Variants in SCARA3 observed in about 807,000 individuals in gnomAD.
SCARA3 encodes the protein cellular stress response gene protein.
SCARA3 carries 39 observed loss-of-function variants against 47.0 expected under a neutral mutation model. The observed-to-expected ratio is 0.83, with a 90% CI of 0.64 to 1.08. The LOEUF (loss-of-function observed/expected upper bound fraction) is 1.08, where lower values mean the gene tolerates loss of function less well. Ranked by LOEUF, SCARA3 falls within the 50% of genes least tolerant of loss-of-function variation. The probability of loss-of-function intolerance (pLI) is 0.00; values close to 1 mark genes in which losing one functional copy is unlikely to be tolerated. For synonymous variants in SCARA3, 356 were observed against 334.1 expected, an observed-to-expected ratio of 1.07 and a Z score of -0.71; for missense variants, 724 against 792.3, an observed-to-expected ratio of 0.91 and a Z score of 1.04.
At chr8:27,691,099 C>G in the SCARA3 span, among the ~76,000 whole-genome samples, 10 of 152,208 alleles carry the variant, frequency 6.6e-5, no homozygotes, top group African/African-American at 1.4e-4. Flanking sequence ...GGGAGAGCAA[C>G]TTTTCCCTGT....
intron 1 of SCARA3, among the ~76,000 whole-genome samples, chr8:27,647,793 T>A (rs779958): frequency 0.18 from 27,939 of 152,128 alleles, 3,134 homozygotes; most frequent in Middle Eastern, 0.33. Flanking sequence ...ACTCGTGGTC[T>A]TGATGGTGGC....
chr8:27,654,434 A>G (rs1801698550), intron 3 of SCARA3, among the ~76,000 whole-genome samples: 1 of 152,208 alleles, frequency 6.6e-6, no homozygotes, highest in Non-Finnish European at 1.5e-5. Flanking sequence ...AAAAGCAAAT[A>G]TATAATTATT....
chr8:27,691,099 C>T, the SCARA3 span, among the ~76,000 whole-genome samples: 1 of 152,208 alleles, frequency 6.6e-6, no homozygotes. Context: ...GGGAGAGCAA[C>T]TTTTCCCTGT....
the SCARA3 span, among the ~76,000 whole-genome samples, chr8:27,690,162 A>T: frequency 1.3e-5 from 2 of 152,200 alleles, no homozygotes; most frequent in East Asian, 1.9e-4. Context: ...ACTCACCTCC[A>T]TGCCTCACCG....
chr8:27,659,111 T>A lies in SCARA3; in HGVS notation c.941T>A (p.Ile314Asn). The A allele has an allele frequency of 6.2e-7, 1 of 1,613,900 alleles. No homozygotes were observed. Among genetic ancestry groups the A allele is most frequent in the Non-Finnish European group, 8.5e-7 (1 of 1,180,004 alleles). ...VMGLQLQLDN[I>N]SSFLDDHEEN... ...GGCTTGCAGCTGCAGCTGGATAACATCTCGTCCTTCCTGGATGACCACGAA... is the reference window on the plus strand; with the variant it reads ...GGCTTGCAGCTGCAGCTGGATAACAACTCGTCCTTCCTGGATGACCACGAA... Residue 314 changes from isoleucine (I) to asparagine (N), a missense_variant, in exon 5 of 6, where the codon ATC (isoleucine) becomes AAC (asparagine). By Grantham distance (149) the Ile-to-Asn change is moderately radical (BLOSUM62 -3). Coordinates refer to ENST00000301904, the MANE Select transcript of SCARA3 (RefSeq NM_016240.3).
Position 27,659,101 on chromosome 8 carries a change from C to G in SCARA3, c.931C>G (p.Leu311Val). 6.2e-7 allele frequency: 1 copy of G among 1,614,162 alleles called. No individual in the cohort carries two copies. The highest frequency in any genetic ancestry group is 8.5e-7 in the Non-Finnish European group (1 of 1,180,034). The change falls in exon 5 of 6, where the codon CTG (leucine) becomes GTG (valine). Residue 311 changes from leucine (L) to valine (V), a missense_variant. Coordinates refer to ENST00000301904, the MANE Select transcript of SCARA3 (RefSeq NM_016240.3). ...VLQVMGLQLQ[L>V]DNISSFLDDH... ...CCAGGTCATGGGCTTGCAGCTGCAG[C>G]TGGATAACATCTCGTCCTTCCTGGA...
At chr8:27,674,292 C>G (rs1441967471), downstream of SCARA3, among the ~76,000 whole-genome samples, 1 of 152,194 alleles carries the variant, frequency 6.6e-6, no homozygotes, top group Non-Finnish European at 1.5e-5. Context: ...ATGAAACCCA[C>G]CTCAGAGTGG....
At chr8:27,725,083 G>C in the SCARA3 span, among the ~76,000 whole-genome samples, 853 of 152,328 alleles carry the variant, frequency 5.6e-3, 5 homozygotes, top group Middle Eastern at 0.014. Flanking sequence ...CTAGAAGCTT[G>C]AGACTGCAGT....
chr8:27,658,403 C>G (rs1460994770), intron 4 of SCARA3, 93 bp from the exon 5 acceptor site: 2 of 1,260,390 alleles, frequency 1.6e-6, no homozygotes, highest in Admixed American at 4.9e-5. Context: ...AAGCTACTAA[C>G]CAATTTCTTA....
the SCARA3 span, among the ~76,000 whole-genome samples, chr8:27,693,716 C>T: frequency 1.3e-5 from 2 of 152,114 alleles, no homozygotes; most frequent in African/African-American, 4.8e-5. Flanking sequence ...GAAACACTTA[C>T]GGTCCATTCT....
the SCARA3 span, among the ~76,000 whole-genome samples, chr8:27,706,909 AG>A: frequency 5.6e-3 from 859 of 152,254 alleles, 10 homozygotes; most frequent in African/African-American, 0.02. Flanking sequence ...GAGGAGGGCA[AG>A]GTGAGGTATA....
intron 1 of SCARA3, among the ~76,000 whole-genome samples, chr8:27,638,574 T>C (rs1215941908): frequency 6.6e-6 from 1 of 152,176 alleles, no homozygotes; most frequent in Admixed American, 6.5e-5. Context: ...TACTGTACCA[T>C]GGTATCGTCA....
At chr8:27,696,635 T>G in the SCARA3 span, among the ~76,000 whole-genome samples, 1 of 133,764 alleles carries the variant, frequency 7.5e-6, no homozygotes, top group African/African-American at 2.7e-5. Flanking sequence ...TTTTTTTTTG[T>G]AGAGACAGAG....
At chr8:27,646,291 T>C (rs932445811) in intron 1 of SCARA3, among the ~76,000 whole-genome samples, 2 of 152,230 alleles carry the variant, frequency 1.3e-5, no homozygotes, top group Non-Finnish European at 2.9e-5. Flanking sequence ...CTCGGTGCGT[T>C]ACTGGAAAGC....
chr8:27,703,099 C>G, the SCARA3 span: 1 of 152,430 alleles, frequency 6.6e-6, no homozygotes, highest in Non-Finnish European at 1.5e-5. Flanking sequence ...CTGCCCACAC[C>G]ACAGCCCTGG....
intron 1 of SCARA3, among the ~76,000 whole-genome samples, chr8:27,646,739 C>A (rs1171904491): frequency 6.6e-6 from 1 of 152,064 alleles, no homozygotes; most frequent in Non-Finnish European, 1.5e-5. Context: ...ACAGAAGGTA[C>A]CAAGGAATTC....
intron 1 of SCARA3, 59 bp downstream of exon 1, chr8:27,634,266 C>T: frequency 3.9e-6 from 5 of 1,297,168 alleles, no homozygotes; most frequent in Non-Finnish European, 4.9e-6. Context: ...CCGCTCCACC[C>T]AGGGCCTGGG....
At chr8:27,707,540 A>T in the SCARA3 span, among the ~76,000 whole-genome samples, 1 of 152,050 alleles carries the variant, frequency 6.6e-6, no homozygotes, top group African/African-American at 2.4e-5. Context: ...CCCAAAAAGT[A>T]GAAGAAAAAA....
the SCARA3 span, among the ~76,000 whole-genome samples, chr8:27,707,854 T>C: frequency 6.6e-6 from 1 of 150,470 alleles, no homozygotes; most frequent in African/African-American, 2.4e-5. Context: ...TGGTACTGAA[T>C]GTCTCCAGAG....
Sources: gnomAD v4.1 joint callset for allele counts (sites outside exome capture counted in the v4.1 genomes callset) on GRCh38, gnomAD v4.1.1 for gene constraint, MANE v1.5 for transcripts, NCBI Gene and HGNC (gene_info 2026-07-23, HGNC 2026-07-21) for gene names.